NIM1K: variants seen among roughly 807,000 people sequenced by gnomAD.
NIM1K encodes serine/threonine-protein kinase NIM1.
Under a neutral mutation model 37.1 loss-of-function variants are expected in NIM1K, and 35 were observed. The ratio of observed to expected loss-of-function variants is 0.94; its 90% CI spans 0.72 to 1.25. NIM1K has a LOEUF of 1.25. Among genes scored for constraint, NIM1K ranks in the 50% most tolerant of loss-of-function variants. The pLI, the probability that NIM1K is intolerant of heterozygous loss-of-function variation, is 0.00. For synonymous variants in NIM1K, 234 were observed against 206.6 expected, an observed-to-expected ratio of 1.13 and a Z score of -1.14; for missense variants, 564 against 548.0, an observed-to-expected ratio of 1.03 and a Z score of -0.29.
In NIM1K at chr5:43,277,273, A is replaced by C. The variant is rs1408484651; in HGVS notation, c.509A>C (p.Glu170Ala). The C allele has an allele frequency of 6.2e-7, 1 of 1,614,086 alleles. No homozygotes were observed. The part of the protein sequence containing the change: ...GKISTEGKLS[E>A]PESKLIFSQI... ...ATTAGCACTGAGGGGAAGCTCTCTG[A>C]ACCAGAAAGCAAGCTCATCTTCTCC... Residue 170 changes from glutamate to alanine, a missense_variant, in exon 3 of 4, where the codon GAA (glutamate) becomes GCA (alanine). Transcript: ENST00000326035.
intron 1 of NIM1K, chr5:43,232,918 T>G (rs1336396913): frequency 1.7e-6 from 2 of 1,156,784 alleles, no homozygotes; most frequent in Admixed American, 1.7e-5. Context: ...GTGGAAGAGC[T>G]GGTTGTAGGT....
Position 43,280,312 on chromosome 5 carries a change from C to T in NIM1K, c.894C>T (p.Cys298=), listed in dbSNP as rs750161675. 1.2e-6 allele frequency: 2 copies of T among 1,614,146 alleles called. No homozygotes were observed. The highest frequency in any genetic ancestry group is 1.7e-6 in the Non-Finnish European group (2 of 1,180,020). ...YSVPPHVSEP[C]HRLIRGVLQQ... ...TACCGCCGCACGTGTCAGAGCCCTG[C>T]CACCGACTCATCCGAGGAGTCCTTC... The change falls in exon 4 of 4, where the codon TGC becomes TGT. Residue 298 remains cysteine (C), a synonymous_variant. Coordinates refer to ENST00000326035, the MANE Select transcript of NIM1K (RefSeq NM_153361.4).
chr5:43,221,368 T>C (rs1277133184), intron 1 of NIM1K, among the ~76,000 whole-genome samples: 2 of 150,008 alleles, frequency 1.3e-5, no homozygotes, highest in Non-Finnish European at 2.9e-5. Flanking sequence ...TGAGAATTGC[T>C]TGAACCTGGG....
chr5:43,266,866 A>T (rs896655627), intron 2 of NIM1K, among the ~76,000 whole-genome samples: 2 of 152,120 alleles, frequency 1.3e-5, no homozygotes, highest in African/African-American at 4.8e-5. Flanking sequence ...TATTTTGTTG[A>T]GGACTTTTGC....
intron 2 of NIM1K, among the ~76,000 whole-genome samples, chr5:43,255,479 G>A (rs1358030591): frequency 1.3e-5 from 2 of 152,110 alleles, no homozygotes; most frequent in African/African-American, 2.4e-5. Flanking sequence ...GGCCGGGCGC[G>A]GTCGGTCACG....
chr5:43,253,915 C>A (rs1454971397), intron 2 of NIM1K, among the ~76,000 whole-genome samples: 1 of 152,168 alleles, frequency 6.6e-6, no homozygotes, highest in Non-Finnish European at 1.5e-5. Context: ...CCCGCCTCAG[C>A]CTCCCAAAGT....
At chr5:43,232,093 G>A (rs1368424338) in intron 1 of NIM1K, 1 of 1,035,104 alleles carries the variant, frequency 9.7e-7, no homozygotes, top group Non-Finnish European at 1.5e-6. Flanking sequence ...CACAGTGGGA[G>A]GGCTGGCAGT....
rs896632865 is a variant in NIM1K, at chr5:43,217,449, T to C, written c.-695+25038T>C. Among the ~76,000 whole-genome samples, 4 of 137,628 alleles carry C rather than the reference T, an allele frequency of 2.9e-5. No individual in the cohort carries two copies. The Admixed American group carries it at 3.0e-4, about 10-fold the overall frequency. The allele number at this position is 137,628 out of a possible 152,430, so 90.3% of individuals were successfully genotyped here. A position where few individuals can be genotyped will look rare whatever the true frequency, so the allele number is the denominator to read the frequency against. The stretch of plus-strand genomic sequence containing the variant: ...GTGAGCACTCATATACAAGTTTTTG[T>C]GTGGACATGCAAAAAAAAAAAAAAA... On this transcript the variant is annotated intron_variant, in intron 1 of 3. Coordinates refer to ENST00000326035, the MANE Select transcript of NIM1K (RefSeq NM_153361.4).
chr5:43,222,233 G>C (rs1408925573), intron 1 of NIM1K, among the ~76,000 whole-genome samples: 1 of 152,182 alleles, frequency 6.6e-6, no homozygotes, highest in Non-Finnish European at 1.5e-5. Context: ...AATCACTGAA[G>C]GGTGAGAAAT....
chr5:43,243,069 T>TTGTTTCCCCAACA (rs1752728150), intron 1 of NIM1K: 1 of 152,284 alleles, frequency 6.6e-6, no homozygotes, highest in African/African-American at 2.4e-5. Context: ...CCCAAAGTGT[T>TTGTTTCCCCAACA]GGGATTACAG....
chr5:43,213,337 TTTCTTTTCTA>T (rs1205828376), intron 1 of NIM1K, among the ~76,000 whole-genome samples: 4 of 136,110 alleles, frequency 2.9e-5, no homozygotes, highest in South Asian at 4.7e-4. Flanking sequence ...TTTCTTTTCT[TTTCTTTTCTA>T]GTTGGAGTCT....
intron 2 of NIM1K, among the ~76,000 whole-genome samples, chr5:43,249,337 G>T (rs1002669649): frequency 6.6e-6 from 1 of 152,068 alleles, no homozygotes; most frequent in Non-Finnish European, 1.5e-5. Context: ...CAAAGTGCTG[G>T]GATTACAGGC....
At position 43,277,249 on chromosome 5, in the gene NIM1K, T is replaced by A. The variant is rs138172036; in HGVS notation, c.485T>A (p.Ile162Asn). ...YAGGGELFGK[I>N]STEGKLSEPE... ...GGGGGTGGGGAGCTCTTCGGAAAAA[T>A]TAGCACTGAGGGGAAGCTCTCTGAA... The change falls in exon 3 of 4, where the codon ATT becomes AAT. Residue 162 changes from isoleucine (I) to asparagine (N), a missense_variant. By Grantham distance (149) the Ile-to-Asn change is moderately radical. Coordinates refer to ENST00000326035, the MANE Select transcript of NIM1K (RefSeq NM_153361.4). The A allele has an allele frequency of 1.2e-6, 2 of 1,613,800 alleles. No individual in the cohort carries two copies. The highest frequency in any genetic ancestry group is 2.7e-5 in the African/African-American group (2 of 74,830).
At chr5:43,262,910 C>T (rs539809061) in intron 2 of NIM1K, among the ~76,000 whole-genome samples, 39 of 152,110 alleles carry the variant, frequency 2.6e-4, no homozygotes, top group Middle Eastern at 3.4e-3. Context: ...TGATGGATTA[C>T]GTTTATTGAT....
chr5:43,255,331 T>G (rs1259711095), intron 2 of NIM1K, among the ~76,000 whole-genome samples: 1 of 152,188 alleles, frequency 6.6e-6, no homozygotes. Flanking sequence ...TAGAGACTGG[T>G]GATACAGCAG....
intron 1 of NIM1K, among the ~76,000 whole-genome samples, chr5:43,210,797 GGAGGCTTCAGAATTAA>G (rs372685328): frequency 2.6e-5 from 4 of 152,244 alleles, no homozygotes; most frequent in African/African-American, 9.6e-5. Flanking sequence ...ATGTATGCAC[GGAGGCTTCAGAATTAA>G]GACCCAACCC....
intron 3 of NIM1K, among the ~76,000 whole-genome samples, chr5:43,279,088 C>A (rs555251751): frequency 3.9e-5 from 6 of 152,220 alleles, no homozygotes; most frequent in African/African-American, 1.4e-4. Context: ...CTACTCCCTG[C>A]CATTTCTCCA....
intron 1 of NIM1K, chr5:43,233,295 A>G (rs7703840): frequency 0.39 from 174,465 of 451,768 alleles, 36,305 homozygotes; most frequent in Non-Finnish European, 0.43. Flanking sequence ...TCCTTCTTCT[A>G]AGGCAAGAGT....
intron 1 of NIM1K, among the ~76,000 whole-genome samples, chr5:43,228,515 T>C (rs940640113): frequency 1.3e-5 from 2 of 152,068 alleles, no homozygotes; most frequent in African/African-American, 4.8e-5. Context: ...TGTACAAATA[T>C]AAAACTCCAG....
Sources: gnomAD v4.1 joint callset for allele counts (sites outside exome capture counted in the v4.1 genomes callset) on GRCh38, gnomAD v4.1.1 for gene constraint, MANE v1.5 for transcripts, NCBI Gene and HGNC (gene_info 2026-07-23, HGNC 2026-07-21) for gene names.